The following CDK14 variants were observed in gnomAD, a reference collection of about 807,000 sequenced individuals.
CDK14 encodes cyclin-dependent kinase 14.
CDK14 carries 34 observed loss-of-function variants against 60.7 expected under a neutral mutation model. That is an observed-to-expected ratio of 0.56 (90% CI 0.43 to 0.75). CDK14 has a LOEUF of 0.75. CDK14 is among the 30% of genes least tolerant of loss of function. The probability of loss-of-function intolerance (pLI) is 0.00; values close to 1 mark genes in which losing one functional copy is unlikely to be tolerated. For synonymous variants in CDK14, 197 were observed against 203.7 expected (o/e 0.97, Z 0.28); for missense variants, 482 against 564.1 (o/e 0.85, Z 1.47).
rs376365971 is a variant in CDK14, at chr7:90,653,803, T to G, written c.123+49554T>G. On this transcript the variant is annotated intron_variant, in intron 2 of 14. Coordinates refer to ENST00000380050, the MANE Select transcript of CDK14 (RefSeq NM_001287135.2). ...CATTTACATTAGGTATATCTCCTAATGCTATCCCTCCTTCTCCCCCCACCT... is the reference window on the plus strand; with the variant it reads ...CATTTACATTAGGTATATCTCCTAAGGCTATCCCTCCTTCTCCCCCCACCT... 7.2e-5 allele frequency among the ~76,000 whole-genome samples: 11 copies of G among 152,320 alleles called. No homozygotes were observed. The East Asian group carries it at 2.1e-3, about 29-fold the overall frequency.
At chr7:90,654,093 G>A (rs1800704516) in intron 2 of CDK14, among the ~76,000 whole-genome samples, 1 of 152,180 alleles carries the variant, frequency 6.6e-6, no homozygotes, top group African/African-American at 2.4e-5. Flanking sequence ...TTGGTTCCAA[G>A]TCTTTGCTGT....
chr7:90,844,837 A>G (rs1321028138), intron 5 of CDK14, among the ~76,000 whole-genome samples: 1 of 152,156 alleles, frequency 6.6e-6, no homozygotes, highest in Non-Finnish European at 1.5e-5. Flanking sequence ...GTATTGTCTC[A>G]CACAGTAAGT....
intron 6 of CDK14, among the ~76,000 whole-genome samples, chr7:90,888,178 C>T (rs1792010566): frequency 1.3e-5 from 2 of 152,124 alleles, no homozygotes; most frequent in East Asian, 1.9e-4. Flanking sequence ...GGTGAACCCC[C>T]CTCTCTACTA....
intron 14 of CDK14, among the ~76,000 whole-genome samples, chr7:91,133,556 A>G (rs1800178546): frequency 6.6e-6 from 1 of 152,194 alleles, no homozygotes; most frequent in Non-Finnish European, 1.5e-5. Context: ...TATTAAGCCA[A>G]GTAACATGGA....
chr7:90,597,208 T>C (rs932817682), intron 1 of CDK14: 1 of 153,212 alleles, frequency 6.5e-6, no homozygotes, highest in African/African-American at 2.4e-5. Context: ...TTGGGACCTA[T>C]TGTTCGGTAC....
At chr7:90,781,671 G>A (rs1186007033) in intron 4 of CDK14, among the ~76,000 whole-genome samples, 2 of 151,204 alleles carry the variant, frequency 1.3e-5, no homozygotes, top group South Asian at 2.1e-4. Context: ...TATTAAATAG[G>A]GAATCCTTTC....
intron 2 of CDK14, among the ~76,000 whole-genome samples, chr7:90,695,443 C>T (rs998399152): frequency 6.6e-6 from 1 of 152,152 alleles, no homozygotes; most frequent in Non-Finnish European, 1.5e-5. Flanking sequence ...ATTCATTCAA[C>T]AAATGTTTAC....
intron 11 of CDK14, among the ~76,000 whole-genome samples, chr7:91,067,320 G>A (rs1328773613): frequency 6.6e-6 from 1 of 152,162 alleles, no homozygotes; most frequent in African/African-American, 2.4e-5. Context: ...GAAAACATTA[G>A]AAATGCCTCC....
At chr7:91,010,855 C>CCTTCCTTCCTTCTTT (rs1796139633) in intron 10 of CDK14, among the ~76,000 whole-genome samples, 1 of 115,260 alleles carries the variant, frequency 8.7e-6, no homozygotes, top group African/African-American at 3.3e-5. Flanking sequence ...CTCCCTCCCT[C>CCTTCCTTCCTTCTTT]CCTCCCTCCC....
intron 12 of CDK14, among the ~76,000 whole-genome samples, chr7:91,108,125 TG>T (rs1380009918): frequency 6.6e-6 from 1 of 152,152 alleles, no homozygotes; most frequent in East Asian, 1.9e-4. Context: ...CTGGCCAACA[TG>T]GTGAAACCCT....
chr7:90,841,404 G>A (rs1452010183), intron 5 of CDK14, among the ~76,000 whole-genome samples: 1 of 151,756 alleles, frequency 6.6e-6, no homozygotes, highest in Non-Finnish European at 1.5e-5. Flanking sequence ...GACTATATGG[G>A]AACCCTCTGA....
intron 5 of CDK14, among the ~76,000 whole-genome samples, chr7:90,856,957 G>GTGAA (rs1044514422): frequency 2.8e-4 from 43 of 152,174 alleles, no homozygotes; most frequent in African/African-American, 9.6e-4. Flanking sequence ...AAAGGAGCCT[G>GTGAA]TGAATGTCTT....
intron 12 of CDK14, among the ~76,000 whole-genome samples, chr7:91,104,116 A>T (rs540629327): frequency 6.6e-6 from 1 of 152,132 alleles, no homozygotes; most frequent in African/African-American, 2.4e-5. Context: ...TCTTTTTACA[A>T]AATGAATGTA....
rs1563010148 is a variant in CDK14 at position 90,596,724 on chromosome 7, T to C, written c.91+6T>C. 6.2e-7 allele frequency: 1 copy of C among 1,606,598 alleles called. No individual in the cohort carries two copies. Among genetic ancestry groups the C allele is most frequent in the Non-Finnish European group, 8.5e-7 (1 of 1,175,174 alleles). On this transcript the variant is annotated splice_donor_region_variant and intron_variant, in intron 1 of 14. Coordinates refer to ENST00000380050, the MANE Select transcript of CDK14 (RefSeq NM_001287135.2). ...GGAGAGTTTCAGTCGCATTGGTGAG[T>C]AGCGCGCTGCCCCCGGCCCCCCCAG...
chr7:91,121,869 G>T (rs1394868934), intron 14 of CDK14, among the ~76,000 whole-genome samples: 1 of 152,184 alleles, frequency 6.6e-6, no homozygotes, highest in Non-Finnish European at 1.5e-5. Context: ...AAGACTGGAA[G>T]CTGTATTGAA....
At chr7:91,082,066 G>T (rs1798497380) in intron 12 of CDK14, among the ~76,000 whole-genome samples, 1 of 151,976 alleles carries the variant, frequency 6.6e-6, no homozygotes, top group Non-Finnish European at 1.5e-5. Context: ...TTATTTCATT[G>T]CAGTTATACT....
At chr7:91,161,235 A>T (rs923793123) in intron 14 of CDK14, among the ~76,000 whole-genome samples, 1 of 151,838 alleles carries the variant, frequency 6.6e-6, no homozygotes, top group Non-Finnish European at 1.5e-5. Context: ...GACGGAGAGG[A>T]TTCAGGAAGG....
chr7:90,926,373 C>A (rs1793415519), intron 8 of CDK14, among the ~76,000 whole-genome samples: 3 of 152,204 alleles, frequency 2.0e-5, no homozygotes, highest in South Asian at 2.1e-4. Context: ...TAGTAGGAAA[C>A]CTTGTTGGAA....
chr7:90,639,986 G>C (rs780984439), intron 2 of CDK14, among the ~76,000 whole-genome samples: 3 of 152,076 alleles, frequency 2.0e-5, no homozygotes, highest in Admixed American at 2.0e-4. Flanking sequence ...CGCAGTATTC[G>C]GGTGGGAGAG....
Sources: allele counts gnomAD v4.1 joint callset (sites outside exome capture counted in the v4.1 genomes callset), GRCh38; gene constraint gnomAD v4.1.1; transcripts MANE v1.5; gene names NCBI Gene and HGNC (gene_info 2026-07-23, HGNC 2026-07-21).